The following SLIT3 variants were observed in gnomAD, a reference collection of about 807,000 sequenced individuals.
SLIT3 encodes the protein slit guidance ligand 3.
In SLIT3, 68 loss-of-function variants were observed where a neutral mutation model predicts 184.0. The observed-to-expected ratio is 0.37, with a 90% CI of 0.30 to 0.45. The LOEUF is 0.45. Among genes scored for constraint, SLIT3 ranks in the 20% least tolerant of loss-of-function variants. The pLI is 1.00. For missense variants in SLIT3, 1,707 were observed against 2,026.0 expected (o/e 0.84, Z 3.02); for synonymous variants, 831 against 828.6 (o/e 1.00, Z -0.05).
chr5:169,060,866 C>A (rs1373015026), intron 4 of SLIT3, among the ~76,000 whole-genome samples: 2 of 152,134 alleles, frequency 1.3e-5, no homozygotes, highest in Admixed American at 1.3e-4. Flanking sequence ...AAAATCATGG[C>A]CCCTCTAGCT....
rs1025900168 is a variant in SLIT3, at chr5:168,983,503, TG to T, written c.414-100168del. ...GGTTTCTCCGCAGCTAAGATTCTTT[TG>T]GGGTGGTAGCACACAGTGGTGGAGA... On this transcript the variant is annotated intron_variant, in intron 4 of 35. Transcript: ENST00000519560. Among the ~76,000 whole-genome samples the T allele has an allele frequency of 2.0e-5, 3 of 152,206 alleles. 1 individual carries two copies. In the South Asian group the frequency reaches 6.2e-4, roughly 31 times the overall value.
At chr5:168,697,782 C>T (rs1014333141) in intron 27 of SLIT3, among the ~76,000 whole-genome samples, 2 of 152,172 alleles carry the variant, frequency 1.3e-5, no homozygotes, top group Admixed American at 1.3e-4. Flanking sequence ...GTTAGGGACT[C>T]TGGGCACTCA....
intron 4 of SLIT3, among the ~76,000 whole-genome samples, chr5:169,090,778 G>A (rs1225379405): frequency 7.9e-5 from 12 of 152,230 alleles, no homozygotes; most frequent in Admixed American, 7.9e-4. Flanking sequence ...AGGAATGCTG[G>A]CAGCTGCTAG....
intron 4 of SLIT3, among the ~76,000 whole-genome samples, chr5:169,157,997 AC>A (rs1414547758): frequency 2.0e-5 from 3 of 152,106 alleles, no homozygotes; most frequent in Non-Finnish European, 1.5e-5. Context: ...CAGGGATCAA[AC>A]ACTTGTATAA....
chr5:168,746,059 G>A (rs78889327), intron 20 of SLIT3, among the ~76,000 whole-genome samples: 2,197 of 152,234 alleles, frequency 0.014, 57 homozygotes, highest in African/African-American at 0.05. Flanking sequence ...AATAGACTAC[G>A]GTATAGTATA....
intron 4 of SLIT3, among the ~76,000 whole-genome samples, chr5:168,886,901 A>C (rs1760238775): frequency 6.6e-6 from 1 of 152,250 alleles, no homozygotes; most frequent in African/African-American, 2.4e-5. Context: ...AAGAGGACTT[A>C]TTAAGGAGAC....
At chr5:168,819,335 CT>C (rs1486649298) in intron 7 of SLIT3, among the ~76,000 whole-genome samples, 5 of 152,250 alleles carry the variant, frequency 3.3e-5, no homozygotes, top group African/African-American at 1.2e-4. Flanking sequence ...TTTCAGCTGA[CT>C]TTTCGCCGGG....
At chr5:168,927,774 A>G (rs1228090929) in intron 4 of SLIT3, among the ~76,000 whole-genome samples, 2 of 152,230 alleles carry the variant, frequency 1.3e-5, no homozygotes, top group Non-Finnish European at 2.9e-5. Flanking sequence ...GTCCTTGACC[A>G]TTGAGATTTT....
chr5:168,667,689 T>TA (rs1187955213), intron 35 of SLIT3: 1 of 152,232 alleles, frequency 6.6e-6, no homozygotes, highest in African/African-American at 2.4e-5. Flanking sequence ...TGCAAAGTGG[T>TA]AACACATTTA....
intron 4 of SLIT3, among the ~76,000 whole-genome samples, chr5:168,992,828 C>G (rs1755375865): frequency 6.6e-6 from 1 of 152,158 alleles, no homozygotes; most frequent in African/African-American, 2.4e-5. Flanking sequence ...ATGGAGGGGG[C>G]GCTGTGGTCT....
intron 5 of SLIT3, among the ~76,000 whole-genome samples, chr5:168,866,745 G>A (rs1759317172): frequency 6.6e-6 from 1 of 152,152 alleles, no homozygotes; most frequent in South Asian, 2.1e-4. Context: ...CTGAGTCCGA[G>A]TTTCTTCATC....
intron 4 of SLIT3, among the ~76,000 whole-genome samples, chr5:169,090,909 C>T (rs939789746): frequency 6.6e-6 from 1 of 152,236 alleles, no homozygotes; most frequent in Admixed American, 6.5e-5. Context: ...TGACTGTTAT[C>T]TTAAGCTACA....
At chr5:169,231,495 A>C (rs1429224251) in intron 3 of SLIT3, among the ~76,000 whole-genome samples, 2 of 152,154 alleles carry the variant, frequency 1.3e-5, no homozygotes, top group Non-Finnish European at 2.9e-5. Context: ...GTCCCCGATT[A>C]TGCTTCTGAG....
At chr5:169,238,144 G>A (rs1390101542) in intron 3 of SLIT3, among the ~76,000 whole-genome samples, 3 of 152,128 alleles carry the variant, frequency 2.0e-5, no homozygotes, top group African/African-American at 7.2e-5. Context: ...ACTGGATAGT[G>A]TAATTTCTAC....
chr5:168,696,060 A>G (rs1447769768), intron 28 of SLIT3, among the ~76,000 whole-genome samples: 1 of 152,160 alleles, frequency 6.6e-6, no homozygotes, highest in Admixed American at 6.5e-5. Context: ...GCAGCTAAAG[A>G]GCCTGGGACT....
At chr5:169,252,416 G>A (rs560474948) in intron 1 of SLIT3, among the ~76,000 whole-genome samples, 1 of 152,194 alleles carries the variant, frequency 6.6e-6, no homozygotes, top group Non-Finnish European at 1.5e-5. Flanking sequence ...ATTGAAGTGA[G>A]GGTGGAGGGC....
intron 4 of SLIT3, among the ~76,000 whole-genome samples, chr5:169,102,961 T>A (rs1457808028): frequency 6.6e-6 from 1 of 152,176 alleles, no homozygotes; most frequent in Non-Finnish European, 1.5e-5. Flanking sequence ...AGAAACCCCA[T>A]TTTTTCCTCA....
chr5:168,947,183 A>C (rs144438385), intron 4 of SLIT3, among the ~76,000 whole-genome samples: 304 of 152,350 alleles, frequency 2.0e-3, no homozygotes, highest in African/African-American at 6.8e-3. Context: ...ATTTAAACAG[A>C]AACCAAGGGC....
chr5:168,726,164 C>T (rs1199850145), intron 20 of SLIT3, among the ~76,000 whole-genome samples: 1 of 151,888 alleles, frequency 6.6e-6, no homozygotes, highest in Admixed American at 6.6e-5. Context: ...TTCAGTCATG[C>T]ACATGCTTAG....
Sources: gnomAD v4.1 joint callset for allele counts (sites outside exome capture counted in the v4.1 genomes callset) on GRCh38, gnomAD v4.1.1 for gene constraint, MANE v1.5 for transcripts, NCBI Gene and HGNC (gene_info 2026-07-23, HGNC 2026-07-21) for gene names.